USP9X: variants seen among roughly 807,000 people sequenced by gnomAD.
USP9X encodes ubiquitin carboxyl-terminal hydrolase 9X.
A neutral mutation model predicts 190.3 loss-of-function variants in USP9X; 7 were observed. The observed-to-expected ratio is 0.04, with a 90% CI of 0.02 to 0.07. The LOEUF is 0.07. Among genes scored for constraint, USP9X ranks in the 10% least tolerant of loss-of-function variants. The pLI is 1.00. For missense variants in USP9X, 1,010 were observed against 1,916.9 expected (o/e 0.53, Z 8.83); for synonymous variants, 645 against 659.5 (o/e 0.98, Z 0.34).
At chrX:41,093,830 G>A (rs1447619663) in intron 1 of USP9X, among the ~76,000 whole-genome samples, 1 of 112,219 alleles carries the variant, frequency 8.9e-6, no homozygotes, top group Non-Finnish European at 1.9e-5. Context: ...TTTGAAAGGT[G>A]AGGGTATAAT....
chrX:41,232,349 G>T (rs1195058161), intron 44 of USP9X, 38 bp from the exon 45 acceptor site: 1 of 1,183,297 alleles, frequency 8.5e-7, no homozygotes, highest in Non-Finnish European at 1.1e-6. Context: ...TTTACTATGT[G>T]AAAAGTTTTA....
chrX:41,136,706 A>T (rs1030275898), intron 5 of USP9X, 98 bp from the exon 6 acceptor site: 1 of 587,617 alleles, frequency 1.7e-6, no homozygotes, highest in Admixed American at 3.3e-5. Flanking sequence ...AAATGGAGAG[A>T]TCGTTATTTG....
At chrX:41,196,114 G>C in intron 26 of USP9X, 137 bp from the exon 27 acceptor site, 2 of 673,315 alleles carry the variant, frequency 3.0e-6, no homozygotes, top group Non-Finnish European at 4.6e-6. Context: ...TGTGTAGGTA[G>C]GGTAATCCTG....
intron 38 of USP9X, among the ~76,000 whole-genome samples, chrX:41,221,588 T>C (rs1305616061): frequency 9.0e-6 from 1 of 111,241 alleles, no homozygotes; most frequent in Non-Finnish European, 1.9e-5. Flanking sequence ...GCGTGGCTTA[T>C]TGGATGGGAT....
At chrX:41,102,415 C>G (rs2062040614) in intron 1 of USP9X, among the ~76,000 whole-genome samples, 1 of 110,401 alleles carries the variant, frequency 9.1e-6, no homozygotes, top group Admixed American at 9.7e-5. Context: ...GTCAGGAGTT[C>G]AAGACCAGCC....
At position 41,102,816 on chromosome X, in the gene USP9X, G is replaced by A. The variant is rs765928464; in HGVS notation, c.-159+16707G>A. Among the ~76,000 whole-genome samples the A allele has an allele frequency of 4.2e-4, 45 of 106,060 alleles. 1 individual carries two copies. Among genetic ancestry groups the A allele is most frequent in the Admixed American group, 3.7e-3 (37 of 9,885 alleles). The allele number at this position is 106,060 out of a possible 115,157, so 92.1% of individuals were successfully genotyped here. On this transcript the variant is annotated intron_variant, in intron 1 of 44. Transcript: ENST00000378308. ...AGTTTATCTTTTTTTTTTTTGAGAC[G>A]GAGTCTTGCTCTCTCACCCAGGCTG... is the stretch of plus-strand genomic sequence containing the variant.
chrX:41,092,184 C>T (rs2061959707), intron 1 of USP9X, among the ~76,000 whole-genome samples: 1 of 111,484 alleles, frequency 9.0e-6, no homozygotes, highest in South Asian at 3.7e-4. Flanking sequence ...ATATTAGATC[C>T]CATCTTCTAC....
chrX:41,132,689 T>C lies in USP9X; in HGVS notation c.322+1153T>C, dbSNP rs180701073. Reference sequence around the variant, plus strand: ...GTCTTGAACTCCTGGGTTCAAGTGATCCTCCCACCTTGGCCTTCCAAAGTG... The same window carrying C: ...GTCTTGAACTCCTGGGTTCAAGTGACCCTCCCACCTTGGCCTTCCAAAGTG... On this transcript the variant is annotated intron_variant, in intron 4 of 44. Transcript: ENST00000378308. Among the ~76,000 whole-genome samples, 799 of 110,088 alleles carry C rather than the reference T, an allele frequency of 7.3e-3. 9 individuals are homozygous for C. The highest frequency in any genetic ancestry group is 0.025 in the African/African-American group (764 of 30,246).
chrX:41,229,244 C>T lies in USP9X; in HGVS notation c.7062-9C>T. On this transcript the variant is annotated splice_polypyrimidine_tract_variant and intron_variant, in intron 41 of 44. Coordinates refer to ENST00000378308, the MANE Select transcript of USP9X (RefSeq NM_001039591.3). ...AGATGTTTTTATTTTATATCTGGTT[C>T]TCTTTCAGAATTCATAATGCACTGA... The T allele has an allele frequency of 8.6e-7, 1 of 1,165,337 alleles. No homozygotes were observed. Among genetic ancestry groups the T allele is most frequent in the Non-Finnish European group, 1.1e-6 (1 of 873,128 alleles).
intron 42 of USP9X, 77 bp from the exon 43 acceptor site, chrX:41,229,490 A>G (rs2063342596): frequency 2.7e-5 from 31 of 1,158,611 alleles, no homozygotes; most frequent in Non-Finnish European, 3.5e-5. Context: ...AATCATGAGA[A>G]CTTGGGGTTG....
chrX:41,229,484 A>G (rs888839250), intron 42 of USP9X, 75 bp downstream of exon 42: 49 of 1,150,986 alleles, frequency 4.3e-5, no homozygotes, highest in Non-Finnish European at 5.4e-5. Context: ...GAAGAGAATC[A>G]TGAGAACTTG....
chrX:41,085,948 C>G lies in USP9X; in HGVS notation c.-320C>G. 1 of 297,415 alleles carries G rather than the reference C, an allele frequency of 3.4e-6. No individual in the cohort carries two copies. Among genetic ancestry groups the G allele is most frequent in the Non-Finnish European group, 5.9e-6 (1 of 170,343 alleles). The allele number at this position is 297,415 out of a possible 1,213,427, so 24.5% of individuals were successfully genotyped here. Reference sequence around the variant, plus strand: ...GCCTTTTGGTTGAGACGCCCGCAGCCCCGAGCCCGGCCGCCGCAGCCTTTC... The same window carrying G: ...GCCTTTTGGTTGAGACGCCCGCAGCGCCGAGCCCGGCCGCCGCAGCCTTTC... On this transcript the variant is annotated 5_prime_UTR_variant, in exon 1 of 45. Transcript: ENST00000378308.
chrX:41,202,834 A>G (rs764887948), intron 31 of USP9X, among the ~76,000 whole-genome samples: 4 of 112,340 alleles, frequency 3.6e-5, no homozygotes, highest in African/African-American at 1.3e-4. Context: ...AATGAGGCAT[A>G]GAAAATATAA....
intron 4 of USP9X, among the ~76,000 whole-genome samples, 153 bp from the exon 5 acceptor site, chrX:41,134,572 A>G (rs1419329340): frequency 3.6e-5 from 4 of 112,571 alleles, no homozygotes; most frequent in African/African-American, 1.3e-4. Flanking sequence ...GTTAGTGTTA[A>G]TATTACTCGG....
At chrX:41,161,050 C>T (rs2062625259) in intron 14 of USP9X, among the ~76,000 whole-genome samples, 1 of 111,144 alleles carries the variant, frequency 9.0e-6, no homozygotes, top group Non-Finnish European at 1.9e-5. Context: ...CTAGACAGAA[C>T]AGTCCTGTAC....
rs2147292616 is a variant in USP9X at position 41,235,934 on chromosome X, T to C, written c.*3410T>C. ...GAATATTCAGATGACTACTTCGAAG[T>C]AATTCAGTTTTTTTATTAGTATTTT... On this transcript the variant is annotated 3_prime_UTR_variant, in exon 45 of 45. Coordinates refer to ENST00000378308, the MANE Select transcript of USP9X (RefSeq NM_001039591.3). 8.9e-6 allele frequency: 1 copy of C among 112,371 alleles called. No individual in the cohort carries two copies. Among genetic ancestry groups the C allele is most frequent in the Admixed American group, 9.5e-5 (1 of 10,513 alleles). The allele number at this position is 112,371 out of a possible 1,213,427, so 9.3% of individuals were successfully genotyped here.
chrX:41,198,427 A>T, intron 29 of USP9X, 101 bp from the exon 30 acceptor site: 1 of 454,410 alleles, frequency 2.2e-6, no homozygotes, highest in East Asian at 8.1e-5. Context: ...GAGATCTTAA[A>T]TTCCAATGAG....
intron 30 of USP9X, 114 bp downstream of exon 30, chrX:41,198,864 T>A: frequency 1.4e-6 from 1 of 732,899 alleles, no homozygotes; most frequent in Non-Finnish European, 2.0e-6. Context: ...GTAACTAGTT[T>A]AACATTTTTA....
chrX:41,226,119 T>TGC (rs201406543), intron 41 of USP9X, among the ~76,000 whole-genome samples: 9,746 of 111,989 alleles, frequency 0.087, 406 homozygotes, highest in Non-Finnish European at 0.12. Context: ...CAGTTATAAA[T>TGC]AAAGTTTAGG....
Sources: allele counts gnomAD v4.1 joint callset (sites outside exome capture counted in the v4.1 genomes callset), GRCh38; gene constraint gnomAD v4.1.1; transcripts MANE v1.5; gene names NCBI Gene and HGNC (gene_info 2026-07-23, HGNC 2026-07-21).